Variants in TECRL observed in about 807,000 individuals in gnomAD.
The protein encoded by TECRL is trans-2,3-enoyl-CoA reductase like, also known as trans-2,3-enoyl-CoA reductase-like.
Under a neutral mutation model 52.8 loss-of-function variants are expected in TECRL, and 63 were observed. That is an observed-to-expected ratio of 1.19 (90% CI 0.97 to 1.47). TECRL has a LOEUF of 1.47. Among genes scored for constraint, TECRL ranks in the 40% most tolerant of loss-of-function variants. The pLI is 0.00. For missense variants in TECRL, 482 were observed against 429.6 expected, an observed-to-expected ratio of 1.12 and a Z score of -1.08; for synonymous variants, 164 against 141.9, an observed-to-expected ratio of 1.16 and a Z score of -1.10.
intron 8 of TECRL, among the ~76,000 whole-genome samples, chr4:64,299,434 T>G (rs187764525): frequency 6.6e-6 from 1 of 151,210 alleles, no homozygotes; most frequent in Admixed American, 6.6e-5. Flanking sequence ...ATGAAATAAT[T>G]AATGCATTTT....
chr4:64,326,602 G>T (rs73228586), intron 3 of TECRL, among the ~76,000 whole-genome samples: 2,186 of 152,160 alleles, frequency 0.014, 65 homozygotes, highest in African/African-American at 0.049. Flanking sequence ...ATTTTGCTGA[G>T]GGGTGAGAGA....
intron 3 of TECRL, among the ~76,000 whole-genome samples, chr4:64,323,213 A>G (rs545653333): frequency 1.9e-4 from 29 of 151,950 alleles, no homozygotes; most frequent in African/African-American, 6.8e-4. Context: ...TGGTGACATG[A>G]CAAAACCCTG....
intron 4 of TECRL, among the ~76,000 whole-genome samples, chr4:64,318,535 A>T (rs1205887734): frequency 6.6e-6 from 1 of 152,096 alleles, no homozygotes; most frequent in East Asian, 1.9e-4. Context: ...ATATGATAAT[A>T]ATTGTGCATA....
intron 4 of TECRL, among the ~76,000 whole-genome samples, chr4:64,321,031 T>C (rs1372954958): frequency 2.6e-5 from 4 of 152,078 alleles, no homozygotes; most frequent in African/African-American, 7.2e-5. Flanking sequence ...TTTATTGAGC[T>C]CCTTACTGTA....
Position 64,279,116 on chromosome 4 carries a change from G to A in TECRL, c.*956C>T, listed in dbSNP as rs891967183. On this transcript the variant is annotated 3_prime_UTR_variant, in exon 12 of 12. Coordinates refer to ENST00000381210, the MANE Select transcript of TECRL (RefSeq NM_001010874.5). ...TACAGATTTCCTTTTTCCAGTAATG[G>A]TATTGCTGGATCATATGATAGTTCT... 2.6e-5 allele frequency: 4 copies of A among 152,044 alleles called. No individual in the cohort carries two copies. Among genetic ancestry groups the A allele is most frequent in the Admixed American group, 2.6e-4 (4 of 15,252 alleles). 9.4% of individuals were successfully genotyped at this position (152,044 alleles called of 1,614,324 possible).
At position 64,346,733 on chromosome 4, in the gene TECRL, AG is replaced by A. The variant is rs549184974; in HGVS notation, c.287-18178del. 5.9e-5 allele frequency among the ~76,000 whole-genome samples: 9 copies of A among 152,250 alleles called. No homozygotes were observed. The South Asian group carries it at 1.9e-3, about 32-fold the overall frequency. ...TGTGAAGGTCTCTGAGGTGCCCTGG[AG>A]AATTGTCCCCATTGTCTTGGTGATT... On this transcript the variant is annotated intron_variant, in intron 2 of 11. Coordinates refer to ENST00000381210, the MANE Select transcript of TECRL (RefSeq NM_001010874.5).
chr4:64,276,796 A>G, downstream of TECRL: 1 of 315,168 alleles, frequency 3.2e-6, no homozygotes, highest in Non-Finnish European at 5.7e-6. Context: ...TATTATTTAC[A>G]TAAATCTTAT....
chr4:64,300,509 A>G (rs568159266), intron 7 of TECRL, among the ~76,000 whole-genome samples: 6 of 150,880 alleles, frequency 4.0e-5, no homozygotes, highest in Non-Finnish European at 8.9e-5. Flanking sequence ...ATAAAAAAAA[A>G]TATAGGTTAA....
chr4:64,394,478 T>G (rs562518351), intron 1 of TECRL, among the ~76,000 whole-genome samples: 41 of 152,198 alleles, frequency 2.7e-4, no homozygotes, highest in Non-Finnish European at 5.3e-4. Context: ...CCAAAGGTAC[T>G]AGTCCTAGAA....
intron 2 of TECRL, among the ~76,000 whole-genome samples, chr4:64,337,196 T>C (rs1159628512): frequency 6.6e-6 from 1 of 152,164 alleles, no homozygotes; most frequent in African/African-American, 2.4e-5. Flanking sequence ...TCTCAATAGA[T>C]ACAGAAAAGG....
intron 2 of TECRL, among the ~76,000 whole-genome samples, chr4:64,329,615 T>A (rs1718492523): frequency 1.3e-5 from 2 of 151,904 alleles, no homozygotes; most frequent in African/African-American, 4.8e-5. Flanking sequence ...ATCTAGAAAA[T>A]ATGTTATTTT....
At chr4:64,294,254 T>C (rs913084109) in intron 8 of TECRL, among the ~76,000 whole-genome samples, 1 of 152,062 alleles carries the variant, frequency 6.6e-6, no homozygotes, top group Non-Finnish European at 1.5e-5. Flanking sequence ...CGCAAAGAGC[T>C]GGGATTACAG....
At chr4:64,327,824 C>CATT (rs1455760626) in intron 3 of TECRL, among the ~76,000 whole-genome samples, 1 of 151,926 alleles carries the variant, frequency 6.6e-6, no homozygotes, top group Non-Finnish European at 1.5e-5. Context: ...AAATTCAACT[C>CATT]ATTATTTATG....
At chr4:64,285,386 C>T (rs1723030305) in intron 9 of TECRL, among the ~76,000 whole-genome samples, 1 of 152,062 alleles carries the variant, frequency 6.6e-6, no homozygotes, top group South Asian at 2.1e-4. Flanking sequence ...GCCTCTTTTC[C>T]ATAATTCCTA....
At chr4:64,276,682 T>A, downstream of TECRL, 1 of 167,932 alleles carries the variant, frequency 6.0e-6, no homozygotes, top group Non-Finnish European at 1.3e-5. Flanking sequence ...TAAGCTAAAA[T>A]TAAGTTACTT....
chr4:64,407,330 T>C (rs1385556663), intron 1 of TECRL, among the ~76,000 whole-genome samples: 2 of 152,106 alleles, frequency 1.3e-5, no homozygotes, highest in East Asian at 1.9e-4. Context: ...TATCTCTGAA[T>C]AATGAATATT....
chr4:64,321,154 A>T lies in TECRL; in HGVS notation c.435+1535T>A, dbSNP rs914069549. Among the ~76,000 whole-genome samples, 3 of 152,094 alleles carry T rather than the reference A, an allele frequency of 2.0e-5. No homozygotes were observed. In the South Asian group the frequency reaches 6.2e-4, roughly 32 times the overall value. On this transcript the variant is annotated intron_variant, in intron 4 of 11. Transcript: ENST00000381210. ...GAAAATATTTTCTTAATGAAAACAT[A>T]AAATAGAACTCATTAATTACATGGG... is the stretch of plus-strand genomic sequence containing the variant.
chr4:64,289,268 T>A (rs539176383), intron 9 of TECRL, among the ~76,000 whole-genome samples: 405 of 152,276 alleles, frequency 2.7e-3, no homozygotes, highest in Non-Finnish European at 4.0e-3. Flanking sequence ...GATATTTCAG[T>A]GCCATTGTAT....
chr4:64,386,505 C>CAT (rs1402903109), intron 1 of TECRL, among the ~76,000 whole-genome samples: 3 of 151,848 alleles, frequency 2.0e-5, no homozygotes, highest in African/African-American at 4.8e-5. Context: ...CAGCTGTATG[C>CAT]ATATATATAT....
Sources: allele counts gnomAD v4.1 joint callset (sites outside exome capture counted in the v4.1 genomes callset), GRCh38; gene constraint gnomAD v4.1.1; transcripts MANE v1.5; gene names NCBI Gene and HGNC (gene_info 2026-07-23, HGNC 2026-07-21).